The following KMT5B variants were observed in gnomAD, a reference collection of about 807,000 sequenced individuals.
KMT5B encodes histone-lysine N-methyltransferase KMT5B.
In KMT5B, 10 loss-of-function variants were observed where a neutral mutation model predicts 83.2. That is an observed-to-expected ratio of 0.12 (90% CI 0.07 to 0.20). KMT5B has a LOEUF of 0.20. KMT5B is among the 10% of genes least tolerant of loss of function. The pLI, the probability that KMT5B is intolerant of heterozygous loss-of-function variation, is 1.00. For synonymous variants in KMT5B, 349 were observed against 388.8 expected (o/e 0.90, Z 1.20); for missense variants, 753 against 1,067.2 (o/e 0.71, Z 4.10).
intron 9 of KMT5B, among the ~76,000 whole-genome samples, chr11:68,170,314 T>C (rs1048075858): frequency 2.0e-5 from 3 of 152,168 alleles, no homozygotes; most frequent in Non-Finnish European, 4.4e-5. Flanking sequence ...GTGAGTAAAG[T>C]GCCTGGCACA....
At chr11:68,178,725 G>T (rs906616815) in intron 4 of KMT5B, among the ~76,000 whole-genome samples, 2 of 152,268 alleles carry the variant, frequency 1.3e-5, no homozygotes, top group Admixed American at 1.3e-4. Flanking sequence ...AAATCCCATT[G>T]TAACAAATAC....
chr11:68,173,614 A>T (rs1856055766), intron 6 of KMT5B, among the ~76,000 whole-genome samples, 190 bp downstream of exon 6: 1 of 152,148 alleles, frequency 6.6e-6, no homozygotes, highest in Non-Finnish European at 1.5e-5. Context: ...TAGAGATGGG[A>T]TCTGGTTCAA....
chr11:68,179,536 C>T, intron 4 of KMT5B: 2 of 1,304,132 alleles, frequency 1.5e-6, no homozygotes, highest in South Asian at 2.5e-5. Context: ...TCTGTCTCCC[C>T]ACTGTGGCAG....
intron 4 of KMT5B, among the ~76,000 whole-genome samples, chr11:68,178,659 T>C (rs905743797): frequency 6.6e-6 from 1 of 152,192 alleles, no homozygotes; most frequent in African/African-American, 2.4e-5. Context: ...ATGAGACAGT[T>C]GTTTTCAATA....
In KMT5B at chr11:68,195,707, A is replaced by G. The variant is rs139292371; in HGVS notation, c.-76-5555T>C. The stretch of plus-strand genomic sequence containing the variant: ...CTCTAGGGCAATTATGGGTTGTAAC[A>G]TATTAATGGTTTGCAACATTTTTTT... On this transcript the variant is annotated intron_variant, in intron 1 of 10. Transcript: ENST00000304363. 4.3e-3 allele frequency among the ~76,000 whole-genome samples: 661 copies of G among 152,384 alleles called. 7 individuals carry two copies. The highest frequency in any genetic ancestry group is 0.015 in the African/African-American group (623 of 41,596).
chr11:68,195,247 G>C (rs931972130), intron 1 of KMT5B, among the ~76,000 whole-genome samples: 6 of 152,108 alleles, frequency 3.9e-5, no homozygotes, highest in African/African-American at 1.4e-4. Context: ...GAAGCTATGT[G>C]GTTTACAGAA....
At chr11:68,166,556 A>T in intron 10 of KMT5B, 2 of 1,009,948 alleles carry the variant, frequency 2.0e-6, no homozygotes, top group Non-Finnish European at 2.4e-6. Context: ...TTAAGGCCAG[A>T]AGCTATGAAT....
rs1859188606 is a variant in KMT5B, at chr11:68,154,865, G to T, written c.*2823C>A. ...AGATACAGTGAACACCGGCCAAATT[G>T]TTTTAATTTCCGAATTTATTAAAAT... is the stretch of plus-strand genomic sequence containing the variant. On this transcript the variant is annotated 3_prime_UTR_variant, in exon 11 of 11. Coordinates refer to ENST00000304363, the MANE Select transcript of KMT5B (RefSeq NM_017635.5). 1 of 151,692 alleles carries T rather than the reference G, an allele frequency of 6.6e-6. No individual in the cohort carries two copies. Among genetic ancestry groups the T allele is most frequent in the South Asian group, 2.1e-4 (1 of 4,802 alleles). 9.4% of individuals were successfully genotyped at this position (151,692 alleles called of 1,614,324 possible). A position where few individuals can be genotyped will look rare whatever the true frequency, so the allele number is the denominator to read the frequency against.
chr11:68,171,414 T>A lies in KMT5B; in HGVS notation c.820+129A>T. On this transcript the variant is annotated intron_variant, in intron 7 of 10. Transcript: ENST00000304363. The surrounding 1 kb of genome is among the most constrained non-coding windows in gnomAD (Gnocchi z 5.1). Reference sequence around the variant, plus strand: ...GAATATACATTTATTTTAATAAGTTTGTGGAAACATTTCTATTTCAAATTC... The same window carrying A: ...GAATATACATTTATTTTAATAAGTTAGTGGAAACATTTCTATTTCAAATTC... 7.8e-7 allele frequency: 1 copy of A among 1,282,332 alleles called. No homozygotes were observed. Among genetic ancestry groups the A allele is most frequent in the Non-Finnish European group, 1.1e-6 (1 of 925,460 alleles). 79.4% of individuals were successfully genotyped at this position (1,282,332 alleles called of 1,614,324 possible).
intron 4 of KMT5B, chr11:68,179,640 G>A: frequency 8.2e-7 from 1 of 1,224,636 alleles, no homozygotes; most frequent in Non-Finnish European, 1.1e-6. Context: ...GAACAGGAAG[G>A]GGAACAGAAA....
intron 3 of KMT5B, among the ~76,000 whole-genome samples, chr11:68,182,680 C>T (rs547888918): frequency 7.9e-5 from 12 of 151,204 alleles, no homozygotes; most frequent in Admixed American, 5.9e-4. Flanking sequence ...GAATACGGCA[C>T]GGGGATTTTA....
At chr11:68,180,960 T>C (rs1856859430) in intron 3 of KMT5B, among the ~76,000 whole-genome samples, 2 of 152,236 alleles carry the variant, frequency 1.3e-5, no homozygotes, top group African/African-American at 4.8e-5. Context: ...GTATTCATGC[T>C]ACAACTCTTG....
intron 10 of KMT5B, among the ~76,000 whole-genome samples, chr11:68,160,111 A>T (rs541637571): frequency 6.6e-6 from 1 of 152,372 alleles, no homozygotes; most frequent in South Asian, 2.1e-4. Flanking sequence ...TTAAAATATA[A>T]GGATATTTAG....
At chr11:68,198,565 A>G (rs1215584663) in intron 1 of KMT5B, among the ~76,000 whole-genome samples, 1 of 152,194 alleles carries the variant, frequency 6.6e-6, no homozygotes, top group Non-Finnish European at 1.5e-5. Flanking sequence ...CAAACACACA[A>G]GGGTGCAGAC....
In KMT5B at chr11:68,171,316, A is replaced by G. The variant is rs61676455; in HGVS notation, c.821-65T>C. ...TAAGATCTGAAACACGAACAATTAT[A>G]GAAATCTGAAATAAGCTTTCCATAT... On this transcript the variant is annotated intron_variant, in intron 7 of 10. Coordinates refer to ENST00000304363, the MANE Select transcript of KMT5B (RefSeq NM_017635.5). The surrounding 1 kb of genome is among the most constrained non-coding windows in gnomAD (Gnocchi z 5.1). 4.2e-3 allele frequency: 6,587 copies of G among 1,569,084 alleles called. 218 individuals are homozygous for G. In the African/African-American group the frequency reaches 0.073, roughly 17 times the overall value.
In KMT5B at chr11:68,175,869, G is replaced by T. The variant is rs545490581; in HGVS notation, c.378-686C>A. ...TACAAGCAGTGTTAACTCTAGTGGT[G>T]AAATTGCTATACTGGTAATGTAGGA... is the stretch of plus-strand genomic sequence containing the variant. On this transcript the variant is annotated intron_variant, in intron 4 of 10. Transcript: ENST00000304363. 5.4e-4 allele frequency among the ~76,000 whole-genome samples: 81 copies of T among 151,250 alleles called. No homozygotes were observed. In the South Asian group the frequency reaches 0.016, roughly 30 times the overall value.
chr11:68,211,759 C>A (rs1165246723), intron 1 of KMT5B, among the ~76,000 whole-genome samples: 1 of 152,098 alleles, frequency 6.6e-6, no homozygotes, highest in African/African-American at 2.4e-5. Context: ...CCGGGCAGGG[C>A]ACGGCCGACA....
At chr11:68,196,458 G>A (rs1858722920) in intron 1 of KMT5B, among the ~76,000 whole-genome samples, 1 of 147,724 alleles carries the variant, frequency 6.8e-6, no homozygotes, top group South Asian at 2.2e-4. Context: ...TCTGGCCCTT[G>A]TGTATCTAGT....
At chr11:68,177,492 T>C (rs2153058166) in intron 4 of KMT5B, among the ~76,000 whole-genome samples, 1 of 152,172 alleles carries the variant, frequency 6.6e-6, no homozygotes, top group South Asian at 2.1e-4. Flanking sequence ...CCTGAACAGG[T>C]ATAATACTGT....
Sources: allele counts gnomAD v4.1 joint callset (sites outside exome capture counted in the v4.1 genomes callset), GRCh38; gene constraint gnomAD v4.1.1; non-coding constraint Gnocchi (gnomAD v3.1); transcripts MANE v1.5; gene names NCBI Gene and HGNC (gene_info 2026-07-23, HGNC 2026-07-21).